The following SLC9A4 variants were observed in gnomAD, a reference collection of about 807,000 sequenced individuals.
SLC9A4 encodes solute carrier family 9 member A4.
A neutral mutation model predicts 67.4 loss-of-function variants in SLC9A4; 63 were observed. The observed-to-expected ratio is 0.93, with a 90% CI of 0.76 to 1.15. The LOEUF (loss-of-function observed/expected upper bound fraction) is 1.15. Among genes scored for constraint, SLC9A4 ranks in the 50% most tolerant of loss-of-function variants. The pLI is 0.00. For missense variants in SLC9A4, 1,089 were observed against 987.7 expected (o/e 1.10, Z -1.38); for synonymous variants, 393 against 367.2 (o/e 1.07, Z -0.80).
In SLC9A4 at chr2:102,479,349, G is replaced by A. The variant is rs200403078; in HGVS notation, c.720+47G>A. 280 of 1,542,020 alleles carry A rather than the reference G, an allele frequency of 1.8e-4. 1 individual carries two copies. The African/African-American group carries it at 3.3e-3, about 18-fold the overall frequency. Reference sequence around the variant, plus strand: ...CGGCTTCCGGGGGAGATGAGGGTTCGGGGTGGGGCTGGGGACCGGAGGCTG... The same window carrying A: ...CGGCTTCCGGGGGAGATGAGGGTTCAGGGTGGGGCTGGGGACCGGAGGCTG... On this transcript the variant is annotated intron_variant, in intron 2 of 11. Transcript: ENST00000295269.
chr2:102,508,774 G>T (rs923410743), intron 5 of SLC9A4, 73 bp from the exon 6 acceptor site: 1 of 1,111,182 alleles, frequency 9.0e-7, no homozygotes, highest in Non-Finnish European at 1.3e-6. Flanking sequence ...TAATAGTTTT[G>T]TTAATAAATT....
At chr2:102,474,924 G>T (rs1684295482) in intron 1 of SLC9A4, among the ~76,000 whole-genome samples, 1 of 152,120 alleles carries the variant, frequency 6.6e-6, no homozygotes, top group African/African-American at 2.4e-5. Context: ...GTTTTCTCTA[G>T]GATGGGTGTG....
chr2:102,483,631 A>G (rs1454020584), intron 2 of SLC9A4, among the ~76,000 whole-genome samples: 1 of 151,920 alleles, frequency 6.6e-6, no homozygotes, highest in Admixed American at 6.6e-5. Flanking sequence ...ATTTTAGGTT[A>G]TGACACTAAT....
intron 2 of SLC9A4, among the ~76,000 whole-genome samples, chr2:102,494,994 A>T (rs562149963): frequency 6.6e-6 from 1 of 152,062 alleles, no homozygotes; most frequent in African/African-American, 2.4e-5. Context: ...CCTAATTCCT[A>T]TTCATAGAAT....
chr2:102,491,053 A>C (rs957618713), intron 2 of SLC9A4, among the ~76,000 whole-genome samples: 3 of 152,164 alleles, frequency 2.0e-5, no homozygotes, highest in African/African-American at 7.2e-5. Context: ...TCTCTCTTGT[A>C]ATTCTTTCTT....
intron 2 of SLC9A4, among the ~76,000 whole-genome samples, chr2:102,483,542 G>C (rs1192281312): frequency 6.6e-6 from 1 of 152,068 alleles, no homozygotes; most frequent in African/African-American, 2.4e-5. Flanking sequence ...AAGAGAAGGG[G>C]TTGCTCCCAA....
At chr2:102,525,195 C>T in intron 10 of SLC9A4, 40 bp downstream of exon 10, 4 of 1,611,684 alleles carry the variant, frequency 2.5e-6, no homozygotes, top group Non-Finnish European at 3.4e-6. Context: ...CTTCAGTGTG[C>T]AAGTGTTTGT....
chr2:102,500,921 T>A (rs1417673138), intron 2 of SLC9A4, among the ~76,000 whole-genome samples: 4 of 151,534 alleles, frequency 2.6e-5, no homozygotes, highest in Non-Finnish European at 5.9e-5. Context: ...ACATGAGCAA[T>A]CATTTACTGC....
At position 102,514,158 on chromosome 2, in the gene SLC9A4, T is replaced by C. The variant is rs1685225755; in HGVS notation, c.1628T>C (p.Ile543Thr). 1.9e-6 allele frequency: 3 copies of C among 1,614,132 alleles called. No homozygotes were observed. Among genetic ancestry groups the C allele is most frequent in the African/African-American group, 2.7e-5 (2 of 75,056 alleles). ...LIRKNLPKSS[I>T]VSLYKKLEMK... Reference sequence around the variant, plus strand: ...AGAAAGAACCTACCCAAATCAAGCATTGTTTCTTTGTACAAGAAGCTGGAA... The same window carrying C: ...AGAAAGAACCTACCCAAATCAAGCACTGTTTCTTTGTACAAGAAGCTGGAA... Residue 543 changes from isoleucine to threonine, a missense_variant, in exon 8 of 12, where the codon ATT (isoleucine) becomes ACT (threonine). Ile to Thr is a moderately conservative substitution (Grantham distance 89, BLOSUM62 -1). Transcript: ENST00000295269.
chr2:102,478,838 G>A lies in SLC9A4; in HGVS notation c.257-1G>A, dbSNP rs780823091. 3.7e-6 allele frequency: 6 copies of A among 1,613,242 alleles called. No individual in the cohort carries two copies. Among genetic ancestry groups the A allele is most frequent in the Non-Finnish European group, 5.1e-6 (6 of 1,179,592 alleles). On this transcript the variant is annotated splice_acceptor_variant, in intron 1 of 11. Coordinates refer to ENST00000295269, the MANE Select transcript of SLC9A4 (RefSeq NM_001011552.4). LOFTEE classifies it high-confidence loss of function. The stretch of plus-strand genomic sequence containing the variant: ...CCTAACTGCTCTTCGCTGTTCTGCA[G>A]GCTTCCACCTCTACCACAGGCTGCC...
intron 6 of SLC9A4, among the ~76,000 whole-genome samples, chr2:102,509,889 A>G (rs555728084): frequency 6.6e-6 from 1 of 152,192 alleles, no homozygotes; most frequent in Non-Finnish European, 1.5e-5. Context: ...ATACTAAGCA[A>G]ACTTCAATGT....
intron 3 of SLC9A4, among the ~76,000 whole-genome samples, chr2:102,504,747 T>G (rs1178637628): frequency 6.6e-6 from 1 of 152,214 alleles, no homozygotes; most frequent in Non-Finnish European, 1.5e-5. Context: ...CAAGGCAAGT[T>G]TCTTTCTCTT....
At chr2:102,504,814 AAG>A (rs1685014627) in intron 3 of SLC9A4, among the ~76,000 whole-genome samples, 1 of 152,252 alleles carries the variant, frequency 6.6e-6, no homozygotes, top group Non-Finnish European at 1.5e-5. Flanking sequence ...GCCAATAAAA[AAG>A]AACCTTGCAT....
chr2:102,480,364 T>G (rs970819178), intron 2 of SLC9A4, among the ~76,000 whole-genome samples: 1 of 152,128 alleles, frequency 6.6e-6, no homozygotes, highest in South Asian at 2.1e-4. Context: ...TGTCTTGTTT[T>G]TTTTTTTCTT....
intron 9 of SLC9A4, among the ~76,000 whole-genome samples, chr2:102,522,183 G>A (rs537014138): frequency 6.6e-6 from 1 of 152,338 alleles, no homozygotes; most frequent in East Asian, 1.9e-4. Flanking sequence ...GTCACAGATT[G>A]ATGGGTGATT....
intron 2 of SLC9A4, among the ~76,000 whole-genome samples, chr2:102,481,036 T>G (rs1355364560): frequency 1.3e-5 from 2 of 152,286 alleles, no homozygotes; most frequent in East Asian, 3.9e-4. Context: ...ACCTAAGACC[T>G]TCTACTCAGG....
intron 4 of SLC9A4, 75 bp downstream of exon 4, chr2:102,505,546 A>T: frequency 7.7e-6 from 11 of 1,437,000 alleles, no homozygotes; most frequent in Non-Finnish European, 1.1e-5. Context: ...CGCAATGTTA[A>T]AACTGGAGGA....
intron 6 of SLC9A4, among the ~76,000 whole-genome samples, chr2:102,511,332 T>C (rs1362467100): frequency 2.0e-5 from 3 of 152,324 alleles, no homozygotes; most frequent in South Asian, 4.1e-4. Context: ...CAACTTAACA[T>C]CTATCTTTAT....
At chr2:102,523,686 G>A (rs1013055767) in intron 9 of SLC9A4, among the ~76,000 whole-genome samples, 1 of 152,204 alleles carries the variant, frequency 6.6e-6, no homozygotes, top group Non-Finnish European at 1.5e-5. Flanking sequence ...CAGGCTGCCT[G>A]TGGCCTGGCC....
Sources: gnomAD v4.1 joint callset for allele counts (sites outside exome capture counted in the v4.1 genomes callset) on GRCh38, gnomAD v4.1.1 for gene constraint, MANE v1.5 for transcripts, NCBI Gene and HGNC (gene_info 2026-07-23, HGNC 2026-07-21) for gene names.